Variants in QTMAN observed in about 807,000 individuals in gnomAD.
QTMAN encodes queuosine-tRNA mannosyltransferase.
the QTMAN span, among the ~76,000 whole-genome samples, chr2:144,075,148 GA>G: frequency 6.6e-6 from 1 of 152,160 alleles, no homozygotes; most frequent in Non-Finnish European, 1.5e-5. Flanking sequence ...AATTCTACAT[GA>G]AACTTGTGAA....
chr2:143,955,570 T>C, the QTMAN span, among the ~76,000 whole-genome samples: 1 of 152,216 alleles, frequency 6.6e-6, no homozygotes, highest in Non-Finnish European at 1.5e-5. Context: ...GTAACCATAA[T>C]GTACTGGACT....
At chr2:143,978,376 T>C in the QTMAN span, among the ~76,000 whole-genome samples, 1 of 152,296 alleles carries the variant, frequency 6.6e-6, no homozygotes, top group Admixed American at 6.5e-5. Context: ...CACTAAATCA[T>C]TTTTTCCCAC....
chr2:143,947,106 G>T, the QTMAN span: 1 of 1,613,924 alleles, frequency 6.2e-7, no homozygotes, highest in South Asian at 1.1e-5. Context: ...TACCATGTAG[G>T]GCTGCCCAAG....
chr2:144,045,453 T>C, the QTMAN span, among the ~76,000 whole-genome samples: 2 of 152,234 alleles, frequency 1.3e-5, no homozygotes, highest in Non-Finnish European at 2.9e-5. Flanking sequence ...AATCCAGATG[T>C]AGTCCATTTA....
the QTMAN span, among the ~76,000 whole-genome samples, chr2:144,160,078 G>C: frequency 6.6e-6 from 1 of 152,100 alleles, no homozygotes; most frequent in Non-Finnish European, 1.5e-5. Context: ...AAGTTGCAAA[G>C]AAAGTCTGAA....
chr2:144,201,052 A>T, the QTMAN span, among the ~76,000 whole-genome samples: 2 of 152,340 alleles, frequency 1.3e-5, no homozygotes, highest in African/African-American at 4.8e-5. Context: ...GATAAACAAG[A>T]TAGATATGAC....
the QTMAN span, among the ~76,000 whole-genome samples, chr2:144,316,534 G>A: frequency 6.6e-6 from 1 of 152,070 alleles, no homozygotes; most frequent in Non-Finnish European, 1.5e-5. Flanking sequence ...AGTTTCTTTG[G>A]TAGCTCATGA....
the QTMAN span, among the ~76,000 whole-genome samples, chr2:144,078,289 T>A: frequency 6.6e-6 from 1 of 152,234 alleles, no homozygotes; most frequent in African/African-American, 2.4e-5. Context: ...AATGCTGGTG[T>A]CACTATAGTC....
At chr2:144,309,358 A>G in the QTMAN span, among the ~76,000 whole-genome samples, 1 of 152,218 alleles carries the variant, frequency 6.6e-6, no homozygotes, top group African/African-American at 2.4e-5. Context: ...AAAAACCTGT[A>G]AACGCCCCAA....
the QTMAN span, among the ~76,000 whole-genome samples, chr2:144,252,764 G>C: frequency 6.6e-6 from 1 of 152,182 alleles, no homozygotes; most frequent in East Asian, 1.9e-4. Flanking sequence ...CAAATGAGTA[G>C]AAAACTTACA....
chr2:144,286,434 T>G, the QTMAN span, among the ~76,000 whole-genome samples: 8 of 152,242 alleles, frequency 5.3e-5, no homozygotes, highest in Non-Finnish European at 1.0e-4. Context: ...CCTTGTAAAT[T>G]AGCTGAACCA....
the QTMAN span, among the ~76,000 whole-genome samples, chr2:144,182,643 C>CAA: frequency 3.4e-3 from 118 of 34,922 alleles, 4 homozygotes; most frequent in East Asian, 0.015. Flanking sequence ...GACTCCGTCT[C>CAA]AAAAAAAAAA....
the QTMAN span, among the ~76,000 whole-genome samples, chr2:143,987,575 T>C: frequency 6.6e-6 from 1 of 152,198 alleles, no homozygotes; most frequent in African/African-American, 2.4e-5. Context: ...GGCAGAAGTC[T>C]CAAAAGAAGT....
the QTMAN span, among the ~76,000 whole-genome samples, chr2:144,164,554 T>G: frequency 1.3e-5 from 2 of 152,170 alleles, no homozygotes; most frequent in Non-Finnish European, 2.9e-5. Flanking sequence ...CTTATCAAAA[T>G]TATTAGAAAA....
the QTMAN span, among the ~76,000 whole-genome samples, chr2:143,992,296 C>CA: frequency 6.7e-6 from 1 of 148,898 alleles, no homozygotes; most frequent in African/African-American, 2.5e-5. Flanking sequence ...GGATTAAGGG[C>CA]AGTGCAAGAT....
At chr2:144,064,728 A>C in the QTMAN span, among the ~76,000 whole-genome samples, 5 of 152,254 alleles carry the variant, frequency 3.3e-5, no homozygotes, top group African/African-American at 9.6e-5. Flanking sequence ...AAGTCATATC[A>C]TTTGAAATTT....
the QTMAN span, among the ~76,000 whole-genome samples, chr2:144,015,980 C>T: frequency 6.6e-6 from 1 of 152,164 alleles, no homozygotes; most frequent in African/African-American, 2.4e-5. Context: ...GTAGTAGGAG[C>T]TGACTAAATC....
the QTMAN span, among the ~76,000 whole-genome samples, chr2:144,192,635 G>T: frequency 4.6e-5 from 7 of 152,166 alleles, no homozygotes; most frequent in Admixed American, 4.6e-4. Flanking sequence ...GGAAAAAAAT[G>T]CAAAACTAAT....
At chr2:144,304,560 T>A in the QTMAN span, among the ~76,000 whole-genome samples, 5 of 152,118 alleles carry the variant, frequency 3.3e-5, no homozygotes, top group Admixed American at 3.3e-4. Context: ...CATACCAGGA[T>A]AGCAAGTACA....
Sources: allele counts gnomAD v4.1 joint callset (sites outside exome capture counted in the v4.1 genomes callset), GRCh38; gene constraint gnomAD v4.1.1; transcripts MANE v1.5; gene names NCBI Gene and HGNC (gene_info 2026-07-23, HGNC 2026-07-21).